The following CWF19L1 variants were observed in gnomAD, a reference collection of about 807,000 sequenced individuals.
CWF19L1 encodes CWF19 like cell cycle control factor 1.
CWF19L1 carries 60 observed loss-of-function variants against 69.7 expected under a neutral mutation model. The ratio of observed to expected loss-of-function variants is 0.86; its 90% CI spans 0.70 to 1.07. The LOEUF (loss-of-function observed/expected upper bound fraction) is 1.07, where lower values mean the gene tolerates loss of function less well. Among genes scored for constraint, CWF19L1 ranks in the 50% least tolerant of loss-of-function variants. The pLI is 0.00. For missense variants in CWF19L1, 591 were observed against 638.9 expected (o/e 0.92, Z 0.81); for synonymous variants, 209 against 222.2 (o/e 0.94, Z 0.53).
At chr10:100,234,315 T>C (rs1372566443) in intron 13 of CWF19L1, among the ~76,000 whole-genome samples, 2 of 152,216 alleles carry the variant, frequency 1.3e-5, no homozygotes, top group African/African-American at 2.4e-5. Context: ...ATTTCAAATA[T>C]TTTGTTAACT....
At chr10:100,247,652 T>C (rs1846871661) in intron 7 of CWF19L1, among the ~76,000 whole-genome samples, 1 of 152,230 alleles carries the variant, frequency 6.6e-6, no homozygotes, top group Admixed American at 6.5e-5. Context: ...CCCAGCACTT[T>C]GGGAGGCTGA....
At position 100,236,969 on chromosome 10, in the gene CWF19L1, C is replaced by T. The variant is rs1236461413; in HGVS notation, c.1255G>A (p.Val419Ile). 6.3e-7 allele frequency: 1 copy of T among 1,579,044 alleles called. No homozygotes were observed. The highest frequency in any genetic ancestry group is 1.4e-5 in the African/African-American group (1 of 73,476). ...NYKSHHLQLQ[V>I]IPVPISCSTT... ...GAGCAGCTGATTGGGACAGGAATGA[C>T]CTGGGGGTTGGGGAGACAGGAGAAA... The change falls in exon 12 of 14, where the codon GTC becomes ATC. Residue 419 changes from valine (V) to isoleucine (I), a missense_variant and splice_region_variant. Physicochemically the swap from Val to Ile is conservative, Grantham distance 29 (BLOSUM62 3). Around this residue, in one of 3 missense-constraint regions of CWF19L1, gnomAD observed 458 missense variants for 489.3 expected, o/e 0.94. Coordinates refer to ENST00000354105, the MANE Select transcript of CWF19L1 (RefSeq NM_018294.6).
intron 10 of CWF19L1, 45 bp from the exon 11 acceptor site, chr10:100,238,276 G>A: frequency 6.4e-7 from 1 of 1,568,026 alleles, no homozygotes; most frequent in South Asian, 1.1e-5. Context: ...ACAGCATGTA[G>A]GATTCTCCAG....
intron 7 of CWF19L1, among the ~76,000 whole-genome samples, chr10:100,249,865 C>T (rs911170054): frequency 3.3e-5 from 5 of 152,212 alleles, no homozygotes; most frequent in South Asian, 2.1e-4. Context: ...GGATTACAGG[C>T]GTGGGCCACC....
chr10:100,249,071 T>A (rs1019714238), intron 7 of CWF19L1: 1 of 528,430 alleles, frequency 1.9e-6, no homozygotes, highest in Non-Finnish European at 3.5e-6. Flanking sequence ...CAGCTGCCCC[T>A]GAGGGGCCAC....
intron 9 of CWF19L1, among the ~76,000 whole-genome samples, chr10:100,244,343 G>A (rs978936759): frequency 6.6e-6 from 1 of 152,132 alleles, no homozygotes; most frequent in Admixed American, 6.6e-5. Flanking sequence ...GAACAGCCTC[G>A]AAGTCAGGCC....
intron 7 of CWF19L1, among the ~76,000 whole-genome samples, chr10:100,247,382 A>G (rs1202007579): frequency 1.3e-5 from 2 of 152,218 alleles, no homozygotes; most frequent in Non-Finnish European, 2.9e-5. Flanking sequence ...TCTCTCTGAT[A>G]TTATACAAAT....
chr10:100,265,019 G>A (rs1847524737), intron 1 of CWF19L1, among the ~76,000 whole-genome samples: 1 of 151,986 alleles, frequency 6.6e-6, no homozygotes. Flanking sequence ...TACTCAGGAG[G>A]CTGAAGTGGG....
rs1847210968 is a variant in CWF19L1 at position 100,256,305 on chromosome 10, G to C, written c.461C>G (p.Thr154Arg). 6.2e-7 allele frequency: 1 copy of C among 1,614,160 alleles called. No individual in the cohort carries two copies. The highest frequency in any genetic ancestry group is 2.2e-5 in the East Asian group (1 of 44,880). The change falls in exon 5 of 14, where the codon ACA (threonine) becomes AGA (arginine). Residue 154 changes from threonine to arginine, a missense_variant. This residue lies in a region of CWF19L1 where 458 missense variants were observed against 489.3 expected (regional missense o/e 0.94). Coordinates refer to ENST00000354105, the MANE Select transcript of CWF19L1 (RefSeq NM_018294.6). ...CCCCACACACTTGGGCCATGGGGATGTGAGCAAGATATCAACACCCTTAAA... is the reference window on the plus strand; with the variant it reads ...CCCCACACACTTGGGCCATGGGGATCTGAGCAAGATATCAACACCCTTAAA... ...SQFKGVDILL[T>R]SPWPKCVGNF...
At chr10:100,248,826 G>A in intron 7 of CWF19L1, 2 of 1,361,252 alleles carry the variant, frequency 1.5e-6, no homozygotes, top group South Asian at 2.3e-5. Context: ...AGGTGGCTCA[G>A]CGGGAAGCAG....
At chr10:100,257,392 C>T (rs1421130554) in intron 4 of CWF19L1, among the ~76,000 whole-genome samples, 5 of 151,150 alleles carry the variant, frequency 3.3e-5, no homozygotes, top group East Asian at 1.9e-4. Context: ...CTCCGCCTCC[C>T]GGGTTCAAGT....
intron 10 of CWF19L1, among the ~76,000 whole-genome samples, chr10:100,241,073 C>T (rs185015870): frequency 2.7e-4 from 36 of 135,456 alleles, no homozygotes; most frequent in African/African-American, 1.0e-3. Context: ...TGCAGTGGCG[C>T]GATCTTGGCC....
intron 12 of CWF19L1, among the ~76,000 whole-genome samples, chr10:100,236,243 A>T (rs1305856952): frequency 1.3e-5 from 2 of 151,726 alleles, no homozygotes; most frequent in Admixed American, 6.6e-5. Flanking sequence ...AGTAGCTAAG[A>T]CTACAGGCAC....
At chr10:100,245,955 A>G in intron 8 of CWF19L1, 42 bp from the exon 9 acceptor site, 1 of 1,430,244 alleles carries the variant, frequency 7.0e-7, no homozygotes, top group Non-Finnish European at 9.9e-7. Flanking sequence ...TATTCAACTA[A>G]CCTTTAGATA....
At chr10:100,248,963 T>TA in intron 7 of CWF19L1, 2 of 723,690 alleles carry the variant, frequency 2.8e-6, no homozygotes, top group South Asian at 1.5e-5. Context: ...AACAGCCTGA[T>TA]AGAGCTGCGC....
At chr10:100,234,173 A>G (rs1846359514) in intron 13 of CWF19L1, among the ~76,000 whole-genome samples, 1 of 152,234 alleles carries the variant, frequency 6.6e-6, no homozygotes. Context: ...TACAGTAAAT[A>G]GAAGAGTTAG....
intron 4 of CWF19L1, among the ~76,000 whole-genome samples, chr10:100,256,790 T>C (rs934464204): frequency 6.6e-6 from 1 of 152,174 alleles, no homozygotes; most frequent in Non-Finnish European, 1.5e-5. Context: ...GCTTTCTGCG[T>C]TCTAGAGAAG....
intron 6 of CWF19L1, 105 bp from the exon 7 acceptor site, chr10:100,250,437 A>G (rs937473217): frequency 2.8e-6 from 2 of 726,356 alleles, no homozygotes; most frequent in African/African-American, 3.5e-5. Context: ...AGAGGTCCTC[A>G]GTTCATCATC....
rs200294937 is a variant in CWF19L1, at chr10:100,236,950, C to G, written c.1274G>C (p.Ser425Thr). ...LQLQVIPVPI[S>T]CSTTDDIKDA... is the part of the protein sequence containing the mutation. Reference sequence around the variant, plus strand: ...TTTAATGTCATCAGTAGTAGAGCAGCTGATTGGGACAGGAATGACCTGGGG... The same window carrying G: ...TTTAATGTCATCAGTAGTAGAGCAGGTGATTGGGACAGGAATGACCTGGGG... The change falls in exon 12 of 14, where the codon AGC (serine) becomes ACC (threonine). Residue 425 changes from serine (S) to threonine (T), a missense_variant. Physicochemically the swap from Ser to Thr is moderately conservative, Grantham distance 58 (BLOSUM62 1). This residue lies in a region of CWF19L1 where 458 missense variants were observed against 489.3 expected (regional missense o/e 0.94). Transcript: ENST00000354105. 3 of 1,601,102 alleles carry G rather than the reference C, an allele frequency of 1.9e-6. No homozygotes were observed. The highest frequency in any genetic ancestry group is 2.6e-6 in the Non-Finnish European group (3 of 1,174,528).
Sources: gnomAD v4.1 joint callset for allele counts (sites outside exome capture counted in the v4.1 genomes callset) on GRCh38, gnomAD v4.1.1 for gene constraint, gnomAD v4.1.1 regional missense constraint, MANE v1.5 for transcripts, NCBI Gene and HGNC (gene_info 2026-07-23, HGNC 2026-07-21) for gene names.